Variants in DAB1 observed in about 807,000 individuals in gnomAD.
DAB1 encodes DAB adaptor protein 1.
Under a neutral mutation model 64.6 loss-of-function variants are expected in DAB1, and 15 were observed. The ratio of observed to expected loss-of-function variants is 0.23; its 90% CI spans 0.16 to 0.36. The LOEUF (loss-of-function observed/expected upper bound fraction) is 0.36. Ranked by LOEUF, DAB1 falls within the 10% of genes least tolerant of loss-of-function variation. The pLI is 1.00. For missense variants in DAB1, 596 were observed against 706.7 expected (o/e 0.84, Z 1.78); for synonymous variants, 235 against 251.9 (o/e 0.93, Z 0.64).
At chr1:57,606,795 T>TATAG (rs1553199598) in intron 7 of DAB1, among the ~76,000 whole-genome samples, 21,682 of 132,970 alleles carry the variant, frequency 0.16, 1,872 homozygotes, top group East Asian at 0.3. Flanking sequence ...CATATATATA[T>TATAG]AGAGAGAGAG....
At chr1:58,207,061 A>G (rs1050842497) in intron 4 of DAB1, among the ~76,000 whole-genome samples, 2 of 152,154 alleles carry the variant, frequency 1.3e-5, no homozygotes, top group African/African-American at 2.4e-5. Flanking sequence ...TGGGGAGCCA[A>G]TTCATCTCAG....
chr1:57,011,243 G>A lies in DAB1; in HGVS notation c.1474C>T (p.Pro492Ser), dbSNP rs1374615486. The change falls in exon 13 of 15, where the codon CCA becomes TCA. Residue 492 changes from proline to serine, a missense_variant. Transcript: ENST00000371236. ...GCATGGGATGCAGATGATTTGGATG[G>A]AGAGCTCTGTCTAGGGGCTGGGGTT... ...PPTPAPRQSS[P>S]SKSSASHASD... is the part of the protein sequence containing the mutation. The A allele has an allele frequency of 6.2e-7, 1 of 1,614,070 alleles. No individual in the cohort carries two copies. Among genetic ancestry groups the A allele is most frequent in the Non-Finnish European group, 8.5e-7 (1 of 1,179,918 alleles).
chr1:57,961,876 G>T (rs58966909), intron 5 of DAB1, among the ~76,000 whole-genome samples: 1 of 152,058 alleles, frequency 6.6e-6, no homozygotes, highest in Admixed American at 6.6e-5. Flanking sequence ...GGAGGCTGAG[G>T]CAGGAGAATT....
At chr1:57,387,125 A>G (rs1186758775) in intron 1 of DAB1, 4 of 152,170 alleles carry the variant, frequency 2.6e-5, no homozygotes, top group African/African-American at 7.2e-5. Flanking sequence ...CAGTTCCCTC[A>G]CTTACTAGGT....
intron 4 of DAB1, among the ~76,000 whole-genome samples, chr1:58,330,188 T>G (rs141536082): frequency 2.4e-3 from 370 of 152,326 alleles, no homozygotes; most frequent in Non-Finnish European, 4.1e-3. Context: ...AATCCTGATA[T>G]AGAGAAAGTT....
chr1:57,126,681 C>T (rs559789097), intron 4 of DAB1, among the ~76,000 whole-genome samples: 3 of 152,136 alleles, frequency 2.0e-5, no homozygotes, highest in South Asian at 2.1e-4. Context: ...TTTTCATTGG[C>T]GTTTTCCTCA....
At chr1:58,414,714 G>A (rs182435312) in intron 3 of DAB1, among the ~76,000 whole-genome samples, 29 of 151,866 alleles carry the variant, frequency 1.9e-4, no homozygotes, top group East Asian at 1.4e-3. Flanking sequence ...AAAAAAAGTC[G>A]GGGGTGAGCA....
At chr1:57,727,726 C>CTCCTTCCTTCATTCCTTCCTTCCT (rs1553123018) in intron 6 of DAB1, among the ~76,000 whole-genome samples, 1 of 137,022 alleles carries the variant, frequency 7.3e-6, no homozygotes, top group Non-Finnish European at 1.6e-5. Context: ...CCTTCCTTCT[C>CTCCTTCCTTCATTCCTTCCTTCCT]TCCTTCCTTC....
intron 4 of DAB1, among the ~76,000 whole-genome samples, chr1:58,206,702 T>C (rs997936608): frequency 6.6e-6 from 1 of 152,242 alleles, no homozygotes; most frequent in Admixed American, 6.5e-5. Context: ...GATAATTATT[T>C]GACTTACAAC....
intron 1 of DAB1, among the ~76,000 whole-genome samples, chr1:57,379,290 A>T (rs967418346): frequency 4.6e-5 from 7 of 152,212 alleles, no homozygotes; most frequent in African/African-American, 1.7e-4. Context: ...ATGATCTGTA[A>T]GATATCTTAA....
At chr1:57,353,548 G>C (rs779265803) in intron 1 of DAB1, among the ~76,000 whole-genome samples, 2 of 152,126 alleles carry the variant, frequency 1.3e-5, no homozygotes, top group African/African-American at 2.4e-5. Flanking sequence ...GATTTTTGTC[G>C]TTTGCTGAGT....
chr1:58,521,579 T>C (rs1375936021), intron 2 of DAB1, among the ~76,000 whole-genome samples: 1 of 152,040 alleles, frequency 6.6e-6, no homozygotes, highest in African/African-American at 2.4e-5. Context: ...AAAGGGGACA[T>C]TTAAAAGATA....
In DAB1 at chr1:57,936,124, G is replaced by A. The variant is rs146875007; in HGVS notation, n.388-51962C>T. Among the ~76,000 whole-genome samples, 525 of 152,326 alleles carry A rather than the reference G, an allele frequency of 3.4e-3. 5 individuals carry two copies. Among genetic ancestry groups the A allele is most frequent in the African/African-American group, 0.012 (500 of 41,574 alleles). ...TGTGAAATATAAAGCCTTACAGGCGGGTTATTCCAAGGAAGGCAGGAGCCC... is the reference window on the plus strand; with the variant it reads ...TGTGAAATATAAAGCCTTACAGGCGAGTTATTCCAAGGAAGGCAGGAGCCC... On this transcript the variant is annotated intron_variant and non_coding_transcript_variant, in intron 5 of 20. Transcript: ENST00000485760.
intron 4 of DAB1, among the ~76,000 whole-genome samples, chr1:58,340,203 C>T (rs1663217586): frequency 6.6e-6 from 1 of 152,190 alleles, no homozygotes; most frequent in South Asian, 2.1e-4. Context: ...GATTTCCCAA[C>T]TCCTGCTATA....
Position 57,367,222 on chromosome 1 carries a change from C to A in DAB1, c.-137+56708G>T, listed in dbSNP as rs368789331. Among the ~76,000 whole-genome samples, 63 of 152,110 alleles carry A rather than the reference C, an allele frequency of 4.1e-4. 1 individual carries two copies. In the South Asian group the frequency reaches 0.013, roughly 31 times the overall value. On this transcript the variant is annotated intron_variant, in intron 1 of 14. Coordinates refer to ENST00000371236, the MANE Select transcript of DAB1 (RefSeq NM_001365792.1). ...CCAGGGAGGCTGAGGCTGCAGTAAG[C>A]TGTGATGGCACTACTGCACTTCAGC...
chr1:57,990,251 G>A (rs1377279641), intron 5 of DAB1, among the ~76,000 whole-genome samples: 1 of 152,126 alleles, frequency 6.6e-6, no homozygotes, highest in Non-Finnish European at 1.5e-5. Context: ...ACTTACTACT[G>A]CATATGCCAC....
intron 7 of DAB1, among the ~76,000 whole-genome samples, chr1:57,490,835 A>T (rs1232899153): frequency 6.6e-6 from 1 of 152,208 alleles, no homozygotes; most frequent in African/African-American, 2.4e-5. Flanking sequence ...CAAGGTAGAG[A>T]GTTGATACAA....
At chr1:58,509,871 T>G (rs1646047342) in intron 2 of DAB1, among the ~76,000 whole-genome samples, 1 of 151,950 alleles carries the variant, frequency 6.6e-6, no homozygotes, top group Non-Finnish European at 1.5e-5. Context: ...AACAATTATA[T>G]GCCCACAAAC....
At chr1:57,577,985 A>G (rs1014818216) in intron 7 of DAB1, among the ~76,000 whole-genome samples, 7 of 152,222 alleles carry the variant, frequency 4.6e-5, no homozygotes, top group Non-Finnish European at 1.0e-4. Context: ...GAGTGTCCCC[A>G]GCTGGGGTCA....
Sources: allele counts gnomAD v4.1 joint callset (sites outside exome capture counted in the v4.1 genomes callset), GRCh38; gene constraint gnomAD v4.1.1; transcripts MANE v1.5; gene names NCBI Gene and HGNC (gene_info 2026-07-23, HGNC 2026-07-21).